NRG3: variants seen among roughly 807,000 people sequenced by gnomAD.
NRG3 encodes pro-neuregulin-3, membrane-bound isoform.
In NRG3, 31 loss-of-function variants were observed where a neutral mutation model predicts 66.9. That is an observed-to-expected ratio of 0.46 (90% CI 0.35 to 0.63). The LOEUF is 0.63. NRG3 is among the 20% of genes least tolerant of loss of function. The pLI, the probability that NRG3 is intolerant of heterozygous loss-of-function variation, is 0.00. For synonymous variants in NRG3, 393 were observed against 359.4 expected (o/e 1.09, Z -1.06); for missense variants, 910 against 878.9 (o/e 1.04, Z -0.45).
intron 1 of NRG3, among the ~76,000 whole-genome samples, chr10:82,073,257 A>C (rs915293460): frequency 2.6e-5 from 4 of 152,204 alleles, no homozygotes; most frequent in African/African-American, 9.6e-5. Flanking sequence ...CCTGGAGCAG[A>C]CTACCTGAAA....
chr10:82,554,405 C>T (rs531685394), intron 2 of NRG3, among the ~76,000 whole-genome samples: 4 of 152,228 alleles, frequency 2.6e-5, no homozygotes, highest in East Asian at 1.9e-4. Flanking sequence ...ATACATCCAA[C>T]GATTATGTGT....
At chr10:82,887,601 A>G (rs1043666377) in intron 4 of NRG3, among the ~76,000 whole-genome samples, 1 of 152,252 alleles carries the variant, frequency 6.6e-6, no homozygotes, top group African/African-American at 2.4e-5. Flanking sequence ...GTTTATATTT[A>G]TAGCTCATTC....
intron 1 of NRG3, among the ~76,000 whole-genome samples, chr10:82,219,047 G>T (rs776757702): frequency 1.3e-5 from 2 of 151,760 alleles, no homozygotes; most frequent in African/African-American, 4.8e-5. Flanking sequence ...TCAAAGAAAC[G>T]TTTGGGATTG....
rs987822778 is a variant in NRG3 at position 82,939,707 on chromosome 10, G to A, written c.1055-11762G>A. The stretch of plus-strand genomic sequence containing the variant: ...GATGGTCTCCATCTCCTGACCTCGT[G>A]ATCCACCCGCCTCGGCCTCCCGAAG... On this transcript the variant is annotated intron_variant, in intron 4 of 8. Transcript: ENST00000372141. Among the ~76,000 whole-genome samples the A allele has an allele frequency of 2.0e-5, 3 of 152,020 alleles. No individual in the cohort carries two copies. In the East Asian group the frequency reaches 5.8e-4, roughly 30 times the overall value.
Position 82,959,063 on chromosome 10 carries a change from C to T in NRG3, c.1272C>T (p.Val424=). ...AKSENLVKSH[V]QLQNYSKVER... ...CAGAGAACTTGGTGAAGAGCCATGT[C>T]CAGCTGCAAAATGTAAGTGACATGT... Residue 424 remains valine (V), a synonymous_variant, in exon 6 of 9, where the codon GTC becomes GTT. Coordinates refer to ENST00000372141, the MANE Select transcript of NRG3 (RefSeq NM_001010848.4). The T allele has an allele frequency of 8.1e-6, 13 of 1,601,004 alleles. No individual in the cohort carries two copies. The highest frequency in any genetic ancestry group is 1.0e-5 in the Non-Finnish European group (12 of 1,175,836).
chr10:82,090,484 G>A (rs1420296491), intron 1 of NRG3, among the ~76,000 whole-genome samples: 1 of 152,136 alleles, frequency 6.6e-6, no homozygotes, highest in African/African-American at 2.4e-5. Context: ...CAAAGTATGA[G>A]GAAAACATAT....
intron 2 of NRG3, among the ~76,000 whole-genome samples, chr10:82,548,188 C>T (rs1286020099): frequency 6.6e-6 from 1 of 151,834 alleles, no homozygotes; most frequent in Non-Finnish European, 1.5e-5. Flanking sequence ...GACCAAGCAA[C>T]AAGTGCCCAT....
In NRG3 at chr10:82,408,060, A is replaced by AGAGAGAGAGC. The variant is rs1554911060; in HGVS notation, c.953+49201_953+49202insCGAGAGAGAG. On this transcript the variant is annotated intron_variant, in intron 2 of 8. Transcript: ENST00000372141. ...CAAGACTACATCGAGAGAGAGAGAG[A>AGAGAGAGAGC]GAGAGAGAGAGAGAGAGAGAGAGAC... Among the ~76,000 whole-genome samples the AGAGAGAGAGC allele has an allele frequency of 6.1e-4, 78 of 127,642 alleles. 2 individuals are homozygous for AGAGAGAGAGC. Among genetic ancestry groups the AGAGAGAGAGC allele is most frequent in the African/African-American group, 2.4e-3 (74 of 30,382 alleles). 83.7% of individuals were successfully genotyped at this position (127,642 alleles called of 152,430 possible). A position where few individuals can be genotyped will look rare whatever the true frequency, so the allele number is the denominator to read the frequency against.
intron 2 of NRG3, among the ~76,000 whole-genome samples, chr10:82,650,778 C>A (rs2051350226): frequency 6.6e-6 from 1 of 152,128 alleles, no homozygotes; most frequent in Non-Finnish European, 1.5e-5. Context: ...TTTTTACAGA[C>A]ATTTAAAAAA....
At chr10:82,455,067 A>G (rs752265609) in intron 2 of NRG3, among the ~76,000 whole-genome samples, 3 of 152,042 alleles carry the variant, frequency 2.0e-5, no homozygotes, top group Non-Finnish European at 4.4e-5. Flanking sequence ...CAAAAACTGA[A>G]CTCCAAGCAC....
At chr10:82,930,666 T>C (rs967135979) in intron 4 of NRG3, among the ~76,000 whole-genome samples, 1 of 152,194 alleles carries the variant, frequency 6.6e-6, no homozygotes, top group Non-Finnish European at 1.5e-5. Flanking sequence ...TATTTTCTTT[T>C]AGGGTATAGG....
intron 4 of NRG3, among the ~76,000 whole-genome samples, chr10:82,878,266 C>T (rs1370211729): frequency 2.0e-5 from 3 of 152,160 alleles, no homozygotes; most frequent in African/African-American, 7.2e-5. Flanking sequence ...ATTATGACCA[C>T]CCTATCTGCC....
At chr10:82,158,501 T>C (rs1318076630) in intron 1 of NRG3, among the ~76,000 whole-genome samples, 2 of 151,782 alleles carry the variant, frequency 1.3e-5, no homozygotes, top group Non-Finnish European at 3.0e-5. Context: ...TTAAGAGAAG[T>C]GTTTATGATG....
chr10:82,254,103 G>A (rs1443572472), intron 1 of NRG3, among the ~76,000 whole-genome samples: 1 of 152,092 alleles, frequency 6.6e-6, no homozygotes, highest in Admixed American at 6.6e-5. Flanking sequence ...AGTGCTGGGT[G>A]CTTTTCCTTT....
intron 3 of NRG3, among the ~76,000 whole-genome samples, chr10:82,842,120 G>A (rs901079574): frequency 3.3e-5 from 5 of 152,240 alleles, no homozygotes; most frequent in African/African-American, 9.6e-5. Flanking sequence ...GCGTGGTGGT[G>A]TGCGCCTGTA....
intron 3 of NRG3, among the ~76,000 whole-genome samples, chr10:82,829,483 G>C (rs1219617001): frequency 6.6e-6 from 1 of 152,168 alleles, no homozygotes; most frequent in Non-Finnish European, 1.5e-5. Flanking sequence ...TTAGCAATGA[G>C]AGCAACCATG....
intron 1 of NRG3, among the ~76,000 whole-genome samples, chr10:82,353,884 CT>C (rs1405091732): frequency 6.6e-6 from 1 of 152,060 alleles, no homozygotes; most frequent in Non-Finnish European, 1.5e-5. Context: ...CTCTATGCTG[CT>C]GGGCTGATTT....
intron 2 of NRG3, among the ~76,000 whole-genome samples, chr10:82,414,307 G>T (rs754221100): frequency 6.6e-6 from 1 of 152,134 alleles, no homozygotes; most frequent in Non-Finnish European, 1.5e-5. Flanking sequence ...AAAGGGAATG[G>T]CTGGTTGGTG....
chr10:82,060,488 G>T (rs968942151), intron 1 of NRG3, among the ~76,000 whole-genome samples: 1 of 152,104 alleles, frequency 6.6e-6, no homozygotes, highest in Non-Finnish European at 1.5e-5. Context: ...TAATTTTGGT[G>T]GTTATGCATA....
Sources: allele counts gnomAD v4.1 joint callset (sites outside exome capture counted in the v4.1 genomes callset), GRCh38; gene constraint gnomAD v4.1.1; transcripts MANE v1.5; gene names NCBI Gene and HGNC (gene_info 2026-07-23, HGNC 2026-07-21).